The following STAB1 variants were observed in gnomAD, a reference collection of about 807,000 sequenced individuals.
STAB1 encodes the protein stabilin 1.
Under a neutral mutation model 332.4 loss-of-function variants are expected in STAB1, and 250 were observed. That is an observed-to-expected ratio of 0.75 (90% CI 0.68 to 0.84). The LOEUF is 0.84. STAB1 is among the 40% of genes least tolerant of loss of function. The pLI is 0.00. For synonymous variants in STAB1, 1,475 were observed against 1,390.4 expected (o/e 1.06, Z -1.35); for missense variants, 3,249 against 3,489.7 (o/e 0.93, Z 1.74).
intron 34 of STAB1, 40 bp downstream of exon 34, chr3:52,514,536 C>A: frequency 2.0e-6 from 3 of 1,527,908 alleles, no homozygotes; most frequent in Non-Finnish European, 2.6e-6. Context: ...AGCCCGGGCC[C>A]CTACCCCTGA....
At chr3:52,503,187 T>G (rs1274358231) in intron 7 of STAB1, 78 bp downstream of exon 7, 14 of 1,506,410 alleles carry the variant, frequency 9.3e-6, no homozygotes, top group Admixed American at 2.0e-5. Context: ...ACCCAGCAAG[T>G]GCAATGTAAT....
intron 30 of STAB1, 97 bp from the exon 31 acceptor site, chr3:52,513,620 G>A: frequency 2.3e-6 from 3 of 1,278,220 alleles, no homozygotes; most frequent in Non-Finnish European, 3.3e-6. Flanking sequence ...ACCACCTGTG[G>A]GTGCCTGTGT....
At position 52,503,120 on chromosome 3, in the gene STAB1, A is replaced by T; in HGVS notation, c.694+11A>T. 1 of 1,574,886 alleles carries T rather than the reference A, an allele frequency of 6.3e-7. No homozygotes were observed. The highest frequency in any genetic ancestry group is 8.6e-7 in the Non-Finnish European group (1 of 1,160,538). ...GCAGTGAATGCCGAGGTGAGCCTGG[A>T]CTCAGAGGCCAGGGACTTCAGCTCA... is the stretch of plus-strand genomic sequence containing the variant. On this transcript the variant is annotated intron_variant, in intron 7 of 68. Coordinates refer to ENST00000321725, the MANE Select transcript of STAB1 (RefSeq NM_015136.3).
intron 18 of STAB1, 47 bp from the exon 19 acceptor site, chr3:52,507,566 T>C: frequency 6.3e-7 from 1 of 1,581,334 alleles, no homozygotes; most frequent in Non-Finnish European, 8.6e-7. Context: ...GCCGAGTAAA[T>C]AAACAATGAC....
At position 52,512,835 on chromosome 3, in the gene STAB1, G is replaced by A. The variant is rs866403653; in HGVS notation, c.3035G>A (p.Gly1012Asp). ...SIFYQWLKSA[G>D]ITLPADRRVT... ...CTCCCTGTGTGCGTGCAGAGTGCCGGCATCACGCTTCCTGCCGACCGCCGA... is the reference window on the plus strand; with the variant it reads ...CTCCCTGTGTGCGTGCAGAGTGCCGACATCACGCTTCCTGCCGACCGCCGA... Residue 1012 changes from glycine to aspartate, a missense_variant, in exon 29 of 69, where the codon GGC becomes GAC. Gly to Asp is a moderately conservative substitution (Grantham distance 94). Coordinates refer to ENST00000321725, the MANE Select transcript of STAB1 (RefSeq NM_015136.3). 2 of 1,608,854 alleles carry A rather than the reference G, an allele frequency of 1.2e-6. No individual in the cohort carries two copies. The highest frequency in any genetic ancestry group is 1.7e-6 in the Non-Finnish European group (2 of 1,179,794).
In STAB1 at chr3:52,501,176, A is replaced by C. The variant is rs368512305; in HGVS notation, c.89A>C (p.Lys30Thr). The C allele has an allele frequency of 6.2e-7, 1 of 1,613,124 alleles. No individual in the cohort carries two copies. The highest frequency in any genetic ancestry group is 2.2e-5 in the East Asian group (1 of 44,874). ...TGCCTGTGGCCCCAGGTGCTGTTCA[A>C]AGGCTGTGATGTGAAAACCACGTTT... ...FSFVRGQVLFKGCDVKTTFVT... is the reference protein window; with the variant it reads ...FSFVRGQVLFTGCDVKTTFVT... The change falls in exon 2 of 69, where the codon AAA becomes ACA. Residue 30 changes from lysine to threonine, a missense_variant. Lys to Thr is a moderately conservative substitution (Grantham distance 78). Coordinates refer to ENST00000321725, the MANE Select transcript of STAB1 (RefSeq NM_015136.3).
chr3:52,511,592 G>A, intron 25 of STAB1, 58 bp from the exon 26 acceptor site: 2 of 1,495,708 alleles, frequency 1.3e-6, no homozygotes, highest in South Asian at 1.2e-5. Flanking sequence ...AAGTAATGGA[G>A]GAAGAAAGGG....
intron 56 of STAB1, 29 bp downstream of exon 56, chr3:52,521,539 C>T (rs769856656): frequency 2.7e-5 from 44 of 1,613,712 alleles, no homozygotes; most frequent in African/African-American, 1.3e-4. Context: ...CCCCACGGCC[C>T]GATTCCTTTG....
At chr3:52,516,638 G>T (rs1327600730) in intron 40 of STAB1, 51 bp downstream of exon 40, 1 of 1,612,298 alleles carries the variant, frequency 6.2e-7, no homozygotes, top group African/African-American at 1.3e-5. Context: ...GAGCCTGGGG[G>T]TCAAGGCACG....
At chr3:52,513,089 C>T (rs1290073126) in intron 29 of STAB1, 41 bp from the exon 30 acceptor site, 1 of 1,554,076 alleles carries the variant, frequency 6.4e-7, no homozygotes, top group African/African-American at 1.4e-5. Context: ...GTAAGTTACA[C>T]TAACCTGATT....
rs771644091 is a variant in STAB1, at chr3:52,521,949, C to T, written c.6269C>T (p.Thr2090Ile). The change falls in exon 58 of 69, where the codon ACA (threonine) becomes ATA (isoleucine). Residue 2090 changes from threonine (T) to isoleucine (I), a missense_variant and splice_region_variant. Thr to Ile is a moderately conservative substitution (Grantham distance 89). Coordinates refer to ENST00000321725, the MANE Select transcript of STAB1 (RefSeq NM_015136.3). ...LGYEGDGRVC[T>I]VADLCQDGHG... ...TATGAAGGGGATGGCCGTGTGTGTA[C>T]AGGTAAGCAGATGGGCGGGGACATG... 1.9e-6 allele frequency: 3 copies of T among 1,607,638 alleles called. No individual in the cohort carries two copies. In the Admixed American group the frequency reaches 5.0e-5, roughly 27 times the overall value.
Position 52,503,468 on chromosome 3 carries a change from G to A in STAB1, c.819G>A (p.Lys273=). The A allele has an allele frequency of 6.2e-7, 1 of 1,613,820 alleles. No homozygotes were observed. The highest frequency in any genetic ancestry group is 8.5e-7 in the Non-Finnish European group (1 of 1,180,028). The part of the protein sequence containing the change: ...YHGDGMVCLP[K]DPCTDNLGGC... ...GCGATGGGATGGTGTGTCTGCCCAA[G>A]GACCCATGCACTGACAACCTTGGTG... Residue 273 remains lysine (K), a synonymous_variant, in exon 8 of 69, where the codon AAG becomes AAA. Coordinates refer to ENST00000321725, the MANE Select transcript of STAB1 (RefSeq NM_015136.3).
chr3:52,505,352 G>A lies in STAB1; in HGVS notation c.1552G>A (p.Ala518Thr). The A allele has an allele frequency of 6.2e-7, 1 of 1,613,634 alleles. No homozygotes were observed. Among genetic ancestry groups the A allele is most frequent in the Non-Finnish European group, 8.5e-7 (1 of 1,179,930 alleles). The change falls in exon 14 of 69, where the codon GCC (alanine) becomes ACC (threonine). Residue 518 changes from alanine (A) to threonine (T), a missense_variant. Physicochemically the swap from Ala to Thr is moderately conservative, Grantham distance 58. Coordinates refer to ENST00000321725, the MANE Select transcript of STAB1 (RefSeq NM_015136.3). The stretch of plus-strand genomic sequence containing the variant: ...CGGACAGATCCTCGCCTCTACCGAG[G>A]CCTTCAGCCGCTTTGAAACCATCCT... ...TIGQILASTEAFSRFETILEN... is the reference protein window; with the variant it reads ...TIGQILASTETFSRFETILEN...
chr3:52,521,103 G>C, intron 55 of STAB1, 98 bp downstream of exon 55: 1 of 1,389,168 alleles, frequency 7.2e-7, no homozygotes, highest in South Asian at 1.5e-5. Context: ...GGGGCGTCCA[G>C]GGCTGGGGAG....
At chr3:52,500,516 C>T (rs781380570) in intron 1 of STAB1, among the ~76,000 whole-genome samples, 5 of 152,190 alleles carry the variant, frequency 3.3e-5, no homozygotes, top group South Asian at 2.1e-4. Context: ...AAAGCCCTTG[C>T]GCTTGGTTAG....
rs757735631 is a variant in STAB1, at chr3:52,502,019, C to A, written c.345C>A (p.Gly115=). 6.2e-7 allele frequency: 1 copy of A among 1,612,560 alleles called. No homozygotes were observed. The highest frequency in any genetic ancestry group is 2.2e-5 in the East Asian group (1 of 44,874). ...WGSRCHECPG[G]AETPCNGHGT... is the part of the protein sequence containing the mutation. ...GGGGGTCCACAGAATGCCCTGGGGGCGCTGAGACCCCATGCAATGGCCACG... is the reference window on the plus strand; with the variant it reads ...GGGGGTCCACAGAATGCCCTGGGGGAGCTGAGACCCCATGCAATGGCCACG... The change falls in exon 4 of 69, where the codon GGC becomes GGA. Residue 115 remains glycine, a synonymous_variant. Transcript: ENST00000321725.
In STAB1 at chr3:52,512,455, C is replaced by T. The variant is rs200573220; in HGVS notation, c.2979+19C>T. On this transcript the variant is annotated intron_variant, in intron 27 of 68. Coordinates refer to ENST00000321725, the MANE Select transcript of STAB1 (RefSeq NM_015136.3). Reference sequence around the variant, plus strand: ...CTTCCGGGTAAGGGGTGCTCAGACTCGTTTTCTGTCTTCCCCGTGCTTGGG... The same window carrying T: ...CTTCCGGGTAAGGGGTGCTCAGACTTGTTTTCTGTCTTCCCCGTGCTTGGG... 108 of 1,609,498 alleles carry T rather than the reference C, an allele frequency of 6.7e-5. 1 individual carries two copies. The East Asian group carries it at 1.5e-3, about 23-fold the overall frequency.
At position 52,511,707 on chromosome 3, in the gene STAB1, G is replaced by C. The variant is rs770356720; in HGVS notation, c.2845G>C (p.Asp949His). The C allele has an allele frequency of 6.2e-7, 1 of 1,607,464 alleles. No homozygotes were observed. Among genetic ancestry groups the C allele is most frequent in the South Asian group, 1.1e-5 (1 of 90,298 alleles). Residue 949 changes from aspartate (D) to histidine (H), a missense_variant, in exon 26 of 69, where the codon GAC (aspartate) becomes CAC (histidine). Coordinates refer to ENST00000321725, the MANE Select transcript of STAB1 (RefSeq NM_015136.3). ...AGDGYQCSPI[D>H]PCRAGNGGCH... ...GGATGGCTACCAGTGCAGCCCCATC[G>C]ACCCCTGCCGGGCAGGCAATGGCGG...
rs772567708 is a variant in STAB1 at position 52,503,411 on chromosome 3, G to A, written c.762G>A (p.Gln254=). The part of the protein sequence containing the change: ...LAQCSVSPKG[Q]AQCHCPENYH... The stretch of plus-strand genomic sequence containing the variant: ...AGTGCTCGGTGAGCCCCAAGGGGCA[G>A]GCTCAGTGTCACTGCCCTGAGAACT... The change falls in exon 8 of 69, where the codon CAG becomes CAA. Residue 254 remains glutamine (Q), a synonymous_variant. Coordinates refer to ENST00000321725, the MANE Select transcript of STAB1 (RefSeq NM_015136.3). 6.2e-7 allele frequency: 1 copy of A among 1,613,708 alleles called. No homozygotes were observed. The highest frequency in any genetic ancestry group is 8.5e-7 in the Non-Finnish European group (1 of 1,180,028).
Sources: allele counts gnomAD v4.1 joint callset (sites outside exome capture counted in the v4.1 genomes callset), GRCh38; gene constraint gnomAD v4.1.1; transcripts MANE v1.5; gene names NCBI Gene and HGNC (gene_info 2026-07-23, HGNC 2026-07-21).